The following SCN11A variants were observed in gnomAD, a reference collection of about 807,000 sequenced individuals.
SCN11A encodes the protein sodium channel protein type 11 subunit alpha.
SCN11A carries 122 observed loss-of-function variants against 162.2 expected under a neutral mutation model. That is an observed-to-expected ratio of 0.75 (90% CI 0.65 to 0.87). SCN11A has a LOEUF of 0.87. Among genes scored for constraint, SCN11A ranks in the 40% least tolerant of loss-of-function variants. The pLI is 0.00. For missense variants in SCN11A, 2,015 were observed against 2,181.6 expected (o/e 0.92, Z 1.52); for synonymous variants, 758 against 751.5 (o/e 1.01, Z -0.14).
At chr3:38,942,954 C>T (rs1223454281) in intron 7 of SCN11A, among the ~76,000 whole-genome samples, 2 of 152,122 alleles carry the variant, frequency 1.3e-5, no homozygotes, top group Non-Finnish European at 2.9e-5. Context: ...CAGGGCCCAG[C>T]AATTACACCT....
At chr3:38,938,417 A>G (rs2066372047) in intron 7 of SCN11A, among the ~76,000 whole-genome samples, 1 of 149,010 alleles carries the variant, frequency 6.7e-6, no homozygotes, top group South Asian at 2.1e-4. Flanking sequence ...AGGAAAATGC[A>G]TGAACTAAAC....
intron 2 of SCN11A, among the ~76,000 whole-genome samples, chr3:38,961,738 T>G (rs1434620874): frequency 6.6e-6 from 1 of 152,240 alleles, no homozygotes; most frequent in African/African-American, 2.4e-5. Flanking sequence ...TGTTTGGGTT[T>G]TTTTTGTTAC....
chr3:39,033,921 T>G (rs2031831583), intron 1 of SCN11A, among the ~76,000 whole-genome samples: 2 of 152,148 alleles, frequency 1.3e-5, no homozygotes, highest in Non-Finnish European at 2.9e-5. Context: ...TCCCAGCACT[T>G]TGGGAGGCCA....
chr3:38,861,204 C>T (rs1045907763), intron 28 of SCN11A, among the ~76,000 whole-genome samples: 1 of 151,980 alleles, frequency 6.6e-6, no homozygotes, highest in Admixed American at 6.6e-5. Flanking sequence ...AAGATCTCTA[C>T]AGGGAAAACT....
chr3:38,927,608 T>A (rs760623386), intron 7 of SCN11A, among the ~76,000 whole-genome samples: 15 of 152,134 alleles, frequency 9.9e-5, no homozygotes, highest in Admixed American at 3.3e-4. Context: ...GGAAAGAGAT[T>A]TAATTGACTC....
rs138552770 is a variant in SCN11A at position 38,989,187 on chromosome 3, A to G, written c.-279-28764T>C. Among the ~76,000 whole-genome samples the G allele has an allele frequency of 1.1e-4, 16 of 152,350 alleles. No homozygotes were observed. The East Asian group carries it at 2.9e-3, about 28-fold the overall frequency. On this transcript the variant is annotated intron_variant, in intron 2 of 29. Transcript: ENST00000302328. ...GAGACCACAAGTAGCGCTCTGGTCA[A>G]CAGCCCTAGTTGAGCATCCACCTAG... is the stretch of plus-strand genomic sequence containing the variant.
At chr3:38,917,437 G>T (rs1227732963) in intron 11 of SCN11A, among the ~76,000 whole-genome samples, 3 of 152,224 alleles carry the variant, frequency 2.0e-5, no homozygotes, top group African/African-American at 7.2e-5. Context: ...ATGACAGACT[G>T]GATAAAGCTA....
chr3:38,984,588 ACAACCTCT>A (rs2030168195), intron 2 of SCN11A, among the ~76,000 whole-genome samples: 1 of 151,690 alleles, frequency 6.6e-6, no homozygotes. Flanking sequence ...TTGGCTCACT[ACAACCTCT>A]GCTTCTCAGG....
chr3:38,853,477 A>G (rs1167193763), intron 28 of SCN11A, among the ~76,000 whole-genome samples: 2 of 152,186 alleles, frequency 1.3e-5, no homozygotes, highest in Non-Finnish European at 2.9e-5. Context: ...GTGGTCAAAA[A>G]TCTCTCACTA....
chr3:38,894,917 C>A lies in SCN11A; in HGVS notation c.2451G>T (p.Glu817Asp). Residue 817 changes from glutamate (E) to aspartate (D), a missense_variant, in exon 19 of 30, where the codon GAG (glutamate) becomes GAT (aspartate). Transcript: ENST00000302328. ...IALLLNSFSNEERNGNLEGEA... is the reference protein window; with the variant it reads ...IALLLNSFSNDERNGNLEGEA... ...CTCCTTCTAAGTTTCCATTTCTTTCCTCATTGCTAAAGGAATTGAGCAGTA... is the reference window on the plus strand; with the variant it reads ...CTCCTTCTAAGTTTCCATTTCTTTCATCATTGCTAAAGGAATTGAGCAGTA... 6.2e-7 allele frequency: 1 copy of A among 1,614,006 alleles called. No homozygotes were observed. Among genetic ancestry groups the A allele is most frequent in the Non-Finnish European group, 8.5e-7 (1 of 1,179,948 alleles).
intron 2 of SCN11A, among the ~76,000 whole-genome samples, chr3:38,982,819 T>C (rs764637848): frequency 2.6e-5 from 4 of 152,124 alleles, no homozygotes; most frequent in Non-Finnish European, 5.9e-5. Flanking sequence ...TCATGTAACA[T>C]CTTCCAATAA....
chr3:38,893,903 T>C (rs1047247611), intron 19 of SCN11A, among the ~76,000 whole-genome samples: 2 of 152,138 alleles, frequency 1.3e-5, no homozygotes, highest in Non-Finnish European at 2.9e-5. Context: ...CTATCAAATA[T>C]GAGTCAGTAA....
At chr3:38,918,794 C>G (rs932807577) in intron 11 of SCN11A, among the ~76,000 whole-genome samples, 4 of 152,214 alleles carry the variant, frequency 2.6e-5, no homozygotes, top group African/African-American at 9.6e-5. Flanking sequence ...CAGACAAGGT[C>G]ACAACCCCAT....
intron 15 of SCN11A, 41 bp from the exon 16 acceptor site, chr3:38,904,144 A>C (rs2065752679): frequency 7.4e-7 from 1 of 1,350,152 alleles, no homozygotes; most frequent in Non-Finnish European, 1.0e-6. Flanking sequence ...TTAGCTCTGA[A>C]GCAATCCAGA....
chr3:38,932,575 C>T (rs758569044), intron 7 of SCN11A, among the ~76,000 whole-genome samples: 4 of 152,198 alleles, frequency 2.6e-5, no homozygotes, highest in African/African-American at 9.6e-5. Flanking sequence ...TTATATCCCG[C>T]ACCTGGCTCG....
chr3:39,050,491 G>A (rs1346588693), intron 1 of SCN11A, among the ~76,000 whole-genome samples: 2 of 152,216 alleles, frequency 1.3e-5, no homozygotes, highest in South Asian at 4.1e-4. Flanking sequence ...GAATAAGCCT[G>A]TAATGATGCA....
At chr3:38,867,917 A>G (rs1388315917) in intron 26 of SCN11A, among the ~76,000 whole-genome samples, 1 of 152,172 alleles carries the variant, frequency 6.6e-6, no homozygotes, top group East Asian at 1.9e-4. Flanking sequence ...CCACTGCTTT[A>G]CTTAATATGT....
chr3:38,883,435 G>C, intron 21 of SCN11A, 48 bp from the exon 22 acceptor site: 1 of 1,545,446 alleles, frequency 6.5e-7, no homozygotes, highest in South Asian at 1.2e-5. Context: ...GTAATAAACT[G>C]CATTAAAATG....
rs768362087 is a variant in SCN11A, at chr3:38,850,462, G to C, written c.4327+19C>G. ...TACTTCTGGTTCTTAAAGTCCCTCT[G>C]ACTGCTGATTTTACTTACTAACAAT... On this transcript the variant is annotated intron_variant, in intron 29 of 29. Transcript: ENST00000302328. 4.7e-5 allele frequency: 75 copies of C among 1,603,684 alleles called. No individual in the cohort carries two copies. The highest frequency in any genetic ancestry group is 6.2e-5 in the Non-Finnish European group (73 of 1,173,240).
Sources: gnomAD v4.1 joint callset for allele counts (sites outside exome capture counted in the v4.1 genomes callset) on GRCh38, gnomAD v4.1.1 for gene constraint, MANE v1.5 for transcripts, NCBI Gene and HGNC (gene_info 2026-07-23, HGNC 2026-07-21) for gene names.